Variants in WDR19 observed in about 807,000 individuals in gnomAD.
The protein encoded by WDR19 is WD repeat-containing protein 19.
In WDR19, 121 loss-of-function variants were observed where a neutral mutation model predicts 180.0. That is an observed-to-expected ratio of 0.67 (90% confidence interval 0.58 to 0.78). The LOEUF (loss-of-function observed/expected upper bound fraction) is 0.78, where lower values mean the gene tolerates loss of function less well. Among genes scored for constraint, WDR19 ranks in the 30% least tolerant of loss-of-function variants. The pLI, the probability that WDR19 is intolerant of heterozygous loss-of-function variation, is 0.00. For missense variants in WDR19, 1,450 were observed against 1,640.7 expected (o/e 0.88, Z 2.01); for synonymous variants, 497 against 540.7 (o/e 0.92, Z 1.12).
chr4:39,196,101 A>G (rs1398417447), intron 5 of WDR19, among the ~76,000 whole-genome samples: 1 of 152,062 alleles, frequency 6.6e-6, no homozygotes, highest in Admixed American at 6.5e-5. Context: ...TTGTCATTGT[A>G]TAGTCTTTTC....
At chr4:39,194,426 G>A in intron 4 of WDR19, 118 bp from the exon 5 acceptor site, 1 of 589,820 alleles carries the variant, frequency 1.7e-6, no homozygotes, top group African/African-American at 1.9e-5. Context: ...GCATTAAGTT[G>A]TATTTTGTAC....
Position 39,278,631 on chromosome 4 carries a change from G to A in WDR19, c.4010G>A (p.Arg1337Gln), listed in dbSNP as rs745506402. The A allele has an allele frequency of 2.4e-5, 39 of 1,611,770 alleles. No homozygotes were observed. The highest frequency in any genetic ancestry group is 1.3e-4 in the South Asian group (12 of 90,702). Residue 1337 changes from arginine to glutamine, a missense_variant, in exon 36 of 37, where the codon CGA becomes CAA. Physicochemically the swap from Arg to Gln is conservative, Grantham distance 43. Transcript: ENST00000399820. ...ATTTCAGACTGTACCCAGTACCTGC[G>A]AACGGAGGAGGAACTGTGATTGGCA... ...KKISDCTQYLRTEEEL is the reference protein window; with the variant it reads ...KKISDCTQYLQTEEEL
At chr4:39,259,282 C>T (rs1288128019) in intron 28 of WDR19, among the ~76,000 whole-genome samples, 2 of 152,162 alleles carry the variant, frequency 1.3e-5, no homozygotes, top group Admixed American at 1.3e-4. Context: ...AAAATACTAT[C>T]CTTTCCACCA....
chr4:39,213,906 C>T (rs2109320938), intron 9 of WDR19, among the ~76,000 whole-genome samples: 1 of 152,064 alleles, frequency 6.6e-6, no homozygotes, highest in Non-Finnish European at 1.5e-5. Context: ...ACCTGTGAAT[C>T]TGAAATTATC....
intron 30 of WDR19, among the ~76,000 whole-genome samples, chr4:39,269,516 C>T (rs1735135449): frequency 6.6e-6 from 1 of 152,170 alleles, no homozygotes; most frequent in African/African-American, 2.4e-5. Context: ...CATTTTTCAC[C>T]AGAGCAACTG....
In WDR19 at chr4:39,281,867, G is replaced by C. The variant is rs564932181; in HGVS notation, c.*13+3204G>C. 1.8e-4 allele frequency among the ~76,000 whole-genome samples: 28 copies of C among 152,104 alleles called. 1 individual carries two copies. The East Asian group carries it at 3.9e-3, about 21-fold the overall frequency. ...TTTGTTAGGTTTTGTTTTCTTTGGCGGGGGGAGGATTCTGATCTTTATGGT... is the reference window on the plus strand; with the variant it reads ...TTTGTTAGGTTTTGTTTTCTTTGGCCGGGGGAGGATTCTGATCTTTATGGT... On this transcript the variant is annotated intron_variant, in intron 36 of 36. Transcript: ENST00000399820.
chr4:39,189,907 A>T, intron 4 of WDR19, 126 bp downstream of exon 4: 2 of 1,057,706 alleles, frequency 1.9e-6, no homozygotes, highest in Non-Finnish European at 2.6e-6. Context: ...ATAGAAAAGG[A>T]TTATTTTTAT....
chr4:39,262,587 G>C (rs1220420344), intron 28 of WDR19, among the ~76,000 whole-genome samples: 1 of 151,928 alleles, frequency 6.6e-6, no homozygotes, highest in Non-Finnish European at 1.5e-5. Context: ...CGCTTCCTTC[G>C]TTCCTTCACT....
chr4:39,229,219 A>C (rs1730598283), intron 17 of WDR19, among the ~76,000 whole-genome samples: 1 of 152,128 alleles, frequency 6.6e-6, no homozygotes, highest in Non-Finnish European at 1.5e-5. Context: ...ATGGACACTT[A>C]AGTTGATTCC....
chr4:39,265,967 T>G (rs530540034), intron 28 of WDR19, 96 bp from the exon 29 acceptor site: 1 of 1,056,626 alleles, frequency 9.5e-7, no homozygotes, highest in African/African-American at 1.6e-5. Flanking sequence ...ATTAATGTTT[T>G]TTATTCCATC....
rs1199671668 is a variant in WDR19, at chr4:39,228,558, A to G, written c.1850A>G (p.Glu617Gly). 1 of 1,613,826 alleles carries G rather than the reference A, an allele frequency of 6.2e-7. No individual in the cohort carries two copies. Among genetic ancestry groups the G allele is most frequent in the East Asian group, 2.2e-5 (1 of 44,884 alleles). Reference sequence around the variant, plus strand: ...AAACCTTTGCTGCTATATAATGGAGAGCTGACCTGCCAAACACAGAGTGGA... The same window carrying G: ...AAACCTTTGCTGCTATATAATGGAGGGCTGACCTGCCAAACACAGAGTGGA... ...AHKPLLLYNG[E>G]LTCQTQSGKV... is the part of the protein sequence containing the mutation. The change falls in exon 17 of 37, where the codon GAG becomes GGG. Residue 617 changes from glutamate to glycine, a missense_variant. Physicochemically the swap from Glu to Gly is moderately conservative, Grantham distance 98. Transcript: ENST00000399820.
intron 15 of WDR19, among the ~76,000 whole-genome samples, chr4:39,225,675 T>G (rs1730173244): frequency 6.6e-6 from 1 of 152,200 alleles, no homozygotes; most frequent in South Asian, 2.1e-4. Flanking sequence ...GGACCCATCC[T>G]TAATACTGTT....
chr4:39,234,633 A>T, intron 19 of WDR19, 133 bp from the exon 20 acceptor site: 1 of 675,650 alleles, frequency 1.5e-6, no homozygotes, highest in Non-Finnish European at 2.6e-6. Flanking sequence ...GTAATATATT[A>T]TCATTGTAAA....
At chr4:39,239,227 C>T (rs71606149) in intron 20 of WDR19, among the ~76,000 whole-genome samples, 14,572 of 151,986 alleles carry the variant, frequency 0.096, 875 homozygotes, top group East Asian at 0.2. Context: ...CCGTGTGCCT[C>T]GGCCTCCCAA....
chr4:39,255,159 C>T (rs1279697524), intron 26 of WDR19, among the ~76,000 whole-genome samples: 1 of 152,146 alleles, frequency 6.6e-6, no homozygotes, highest in African/African-American at 2.4e-5. Context: ...AACATTACTA[C>T]CACCATTTCA....
chr4:39,269,906 G>A, intron 30 of WDR19, 70 bp from the exon 31 acceptor site: 2 of 1,569,098 alleles, frequency 1.3e-6, no homozygotes, highest in Non-Finnish European at 1.7e-6. Context: ...CCACTAGTAA[G>A]ATGGGGGTCC....
At position 39,256,881 on chromosome 4, in the gene WDR19, C is replaced by G. The variant is rs187615953; in HGVS notation, c.3115-605C>G. Among the ~76,000 whole-genome samples the G allele has an allele frequency of 5.1e-4, 78 of 152,210 alleles. 2 individuals carry two copies. Among genetic ancestry groups the G allele is most frequent in the African/African-American group, 1.8e-3 (74 of 41,524 alleles). ...AACCTATTTGTCCTTCAAGTGACAC[C>G]TTCAGGATCATCTCCATGCAAAACC... On this transcript the variant is annotated intron_variant, in intron 27 of 36. Transcript: ENST00000399820.
intron 20 of WDR19, among the ~76,000 whole-genome samples, chr4:39,237,431 G>A (rs1731494233): frequency 6.6e-6 from 1 of 151,954 alleles, no homozygotes; most frequent in Non-Finnish European, 1.5e-5. Context: ...CCAGGCCTGG[G>A]GTCACATGAC....
In WDR19 at chr4:39,221,721, TAATA is replaced by T. The variant is rs993295161; in HGVS notation, c.1480-3159_1480-3156del. Among the ~76,000 whole-genome samples, 49 of 152,338 alleles carry T rather than the reference TAATA, an allele frequency of 3.2e-4. 1 individual carries two copies. The highest frequency in any genetic ancestry group is 1.1e-3 in the African/African-American group (45 of 41,582). On this transcript the variant is annotated intron_variant, in intron 14 of 36. Coordinates refer to ENST00000399820, the MANE Select transcript of WDR19 (RefSeq NM_025132.4). Reference sequence around the variant, plus strand: ...CATGCTTTTTCTGTAACTGTAAATGTAATAAATGTTTGTATATTCTAGAGTTTCA... The same window carrying T: ...CATGCTTTTTCTGTAACTGTAAATGTAATGTTTGTATATTCTAGAGTTTCA...
Sources: gnomAD v4.1 joint callset for allele counts (sites outside exome capture counted in the v4.1 genomes callset) on GRCh38, gnomAD v4.1.1 for gene constraint, MANE v1.5 for transcripts, NCBI Gene and HGNC (gene_info 2026-07-23, HGNC 2026-07-21) for gene names.